NRG3: variants seen among roughly 807,000 people sequenced by gnomAD.
NRG3 encodes pro-neuregulin-3, membrane-bound isoform.
NRG3 carries 31 observed loss-of-function variants against 66.9 expected under a neutral mutation model. That is an observed-to-expected ratio of 0.46 (90% CI 0.35 to 0.63). The LOEUF (loss-of-function observed/expected upper bound fraction) is 0.63. Ranked by LOEUF, NRG3 falls within the 20% of genes least tolerant of loss-of-function variation. The pLI, the probability that NRG3 is intolerant of heterozygous loss-of-function variation, is 0.00. For missense variants in NRG3, 910 were observed against 878.9 expected (o/e 1.04, Z -0.45); for synonymous variants, 393 against 359.4 (o/e 1.09, Z -1.06).
At chr10:82,386,578 A>G (rs555429391) in intron 2 of NRG3, among the ~76,000 whole-genome samples, 7 of 152,138 alleles carry the variant, frequency 4.6e-5, no homozygotes, top group Non-Finnish European at 2.9e-5. Flanking sequence ...AAGAAATCTT[A>G]TCGAACATTT....
At chr10:81,879,323 G>T (rs1841975097) in intron 1 of NRG3, among the ~76,000 whole-genome samples, 1 of 152,224 alleles carries the variant, frequency 6.6e-6, no homozygotes, top group South Asian at 2.1e-4. Flanking sequence ...CCAAAGGGAG[G>T]AGGTCACTAC....
At chr10:82,422,871 G>A (rs1590073737) in intron 2 of NRG3, among the ~76,000 whole-genome samples, 1 of 151,908 alleles carries the variant, frequency 6.6e-6, no homozygotes, top group South Asian at 2.1e-4. Context: ...GTATAAGTAG[G>A]TTTCCTGCCA....
In NRG3 at chr10:82,577,314, A is replaced by G. The variant is rs1459674400; in HGVS notation, c.954-161263A>G. Among the ~76,000 whole-genome samples, 4 of 151,884 alleles carry G rather than the reference A, an allele frequency of 2.6e-5. No homozygotes were observed. The East Asian group carries it at 7.8e-4, about 30-fold the overall frequency. On this transcript the variant is annotated intron_variant, in intron 2 of 8. Coordinates refer to ENST00000372141, the MANE Select transcript of NRG3 (RefSeq NM_001010848.4). ...TATCCTGGGGCCTAGCACAGGGCCT[A>G]ACAGAAGTCGTCAATATGTGTTTCA...
intron 2 of NRG3, among the ~76,000 whole-genome samples, chr10:82,553,897 T>C (rs2044486692): frequency 6.6e-6 from 1 of 152,158 alleles, no homozygotes; most frequent in South Asian, 2.1e-4. Context: ...ATTAGATCTC[T>C]AAAAAAGTGA....
At chr10:82,786,083 A>G (rs1427614466) in intron 3 of NRG3, among the ~76,000 whole-genome samples, 1 of 152,198 alleles carries the variant, frequency 6.6e-6, no homozygotes, top group African/African-American at 2.4e-5. Context: ...GGAAATGTCC[A>G]GCAGAGCCAT....
chr10:82,696,959 C>T (rs531741743), intron 2 of NRG3, among the ~76,000 whole-genome samples: 5 of 152,314 alleles, frequency 3.3e-5, no homozygotes, highest in South Asian at 2.1e-4. Flanking sequence ...TTTCTGCATA[C>T]GTTAGGTACT....
intron 2 of NRG3, among the ~76,000 whole-genome samples, chr10:82,567,241 A>C (rs1399194267): frequency 6.6e-6 from 1 of 151,812 alleles, no homozygotes; most frequent in Non-Finnish European, 1.5e-5. Flanking sequence ...TTTTCCTGTG[A>C]TATAGGAAAC....
rs1158254074 is a variant in NRG3 at position 82,478,649 on chromosome 10, ACTT to A, written c.953+119785_953+119787del. On this transcript the variant is annotated intron_variant, in intron 2 of 8. Transcript: ENST00000372141. Reference sequence around the variant, plus strand: ...ACAAAATGAAAAGTCTCCCATGTCTACTTCTTTCTACACAGACACGGCAACCAT... The same window carrying A: ...ACAAAATGAAAAGTCTCCCATGTCTACTTTCTACACAGACACGGCAACCAT... 1.3e-4 allele frequency among the ~76,000 whole-genome samples: 3 copies of A among 22,788 alleles called. 1 individual carries two copies. The highest frequency in any genetic ancestry group is 2.2e-4 in the African/African-American group (3 of 13,468). The allele number at this position is 22,788 out of a possible 152,430, so 14.9% of individuals were successfully genotyped here.
chr10:82,021,197 G>A (rs1003755753), intron 1 of NRG3, among the ~76,000 whole-genome samples: 6 of 152,086 alleles, frequency 3.9e-5, no homozygotes, highest in East Asian at 1.9e-4. Flanking sequence ...ATTTCCAATC[G>A]ATTTAGGAGT....
At chr10:82,583,035 T>C (rs1225761736) in intron 2 of NRG3, among the ~76,000 whole-genome samples, 1 of 152,150 alleles carries the variant, frequency 6.6e-6, no homozygotes, top group Non-Finnish European at 1.5e-5. Context: ...AAATATGAGC[T>C]GCATATCAAA....
chr10:82,451,022 A>G (rs1056692863), intron 2 of NRG3, among the ~76,000 whole-genome samples: 4 of 152,154 alleles, frequency 2.6e-5, no homozygotes, highest in Admixed American at 2.6e-4. Flanking sequence ...GCTACTGAAG[A>G]GTTGCTTCTT....
chr10:81,934,263 CTGT>C (rs1430047341), intron 1 of NRG3, among the ~76,000 whole-genome samples: 1 of 152,178 alleles, frequency 6.6e-6, no homozygotes, highest in Non-Finnish European at 1.5e-5. Context: ...ATTTCCTTTT[CTGT>C]TGCATAAACA....
chr10:82,778,680 C>A (rs1196451669), intron 3 of NRG3, among the ~76,000 whole-genome samples: 1 of 152,114 alleles, frequency 6.6e-6, no homozygotes, highest in Non-Finnish European at 1.5e-5. Context: ...GCTGTGGCTG[C>A]TTTCTGGCTC....
At chr10:82,844,276 G>T (rs1242876610) in intron 3 of NRG3, among the ~76,000 whole-genome samples, 6 of 152,106 alleles carry the variant, frequency 3.9e-5, no homozygotes, top group Non-Finnish European at 7.4e-5. Flanking sequence ...CACAATGATG[G>T]ACTCTGTATT....
intron 4 of NRG3, among the ~76,000 whole-genome samples, chr10:82,879,686 C>T (rs1355850252): frequency 6.6e-6 from 1 of 151,956 alleles, no homozygotes; most frequent in Non-Finnish European, 1.5e-5. Context: ...CCGTGTTAGC[C>T]AGGATGGTCT....
intron 1 of NRG3, among the ~76,000 whole-genome samples, chr10:81,981,020 A>G (rs993663399): frequency 7.2e-5 from 11 of 152,204 alleles, no homozygotes; most frequent in African/African-American, 2.7e-4. Context: ...GCTTCAATGT[A>G]TGCATGAAGG....
chr10:82,500,758 T>A (rs1325317398), intron 2 of NRG3, among the ~76,000 whole-genome samples: 7 of 152,154 alleles, frequency 4.6e-5, no homozygotes, highest in Non-Finnish European at 1.0e-4. Flanking sequence ...GTCTAAGGGG[T>A]ACTCATCTTA....
chr10:81,891,911 T>C (rs575794003), intron 1 of NRG3, among the ~76,000 whole-genome samples: 3 of 152,194 alleles, frequency 2.0e-5, no homozygotes, highest in East Asian at 1.9e-4. Flanking sequence ...TTTTGAATTA[T>C]GGTTTCTCTG....
At position 82,632,732 on chromosome 10, in the gene NRG3, C is replaced by T. The variant is rs916751208; in HGVS notation, c.954-105845C>T. ...ACTTGTGAATCATAGTAATATAAAT[C>T]GTCTGTCTTTGTTCATTTACGTTAT... On this transcript the variant is annotated intron_variant, in intron 2 of 8. Coordinates refer to ENST00000372141, the MANE Select transcript of NRG3 (RefSeq NM_001010848.4). 3.9e-5 allele frequency among the ~76,000 whole-genome samples: 6 copies of T among 152,066 alleles called. 1 individual carries two copies. The South Asian group carries it at 6.2e-4, about 16-fold the overall frequency.
Sources: gnomAD v4.1 joint callset for allele counts (sites outside exome capture counted in the v4.1 genomes callset) on GRCh38, gnomAD v4.1.1 for gene constraint, MANE v1.5 for transcripts, NCBI Gene and HGNC (gene_info 2026-07-23, HGNC 2026-07-21) for gene names.